Variants in PHF14 observed in about 807,000 individuals in gnomAD.
PHF14 encodes the protein PHD finger protein 14.
In PHF14, 55 loss-of-function variants were observed where a neutral mutation model predicts 117.9. The observed-to-expected ratio is 0.47, with a 90% CI of 0.38 to 0.58. The LOEUF (loss-of-function observed/expected upper bound fraction) is 0.58, where lower values mean the gene tolerates loss of function less well. Among genes scored for constraint, PHF14 ranks in the 20% least tolerant of loss-of-function variants. The probability of loss-of-function intolerance (pLI) is 0.00; values close to 1 mark genes in which losing one functional copy is unlikely to be tolerated. For missense variants in PHF14, 978 were observed against 1,122.2 expected (o/e 0.87, Z 1.84); for synonymous variants, 409 against 368.6 (o/e 1.11, Z -1.26).
chr7:10,978,796 A>G (rs1781956163), intron 2 of PHF14, among the ~76,000 whole-genome samples: 1 of 152,110 alleles, frequency 6.6e-6, no homozygotes, highest in Admixed American at 6.5e-5. Context: ...AGACATTGCC[A>G]GTTGTCCTCT....
intron 14 of PHF14, among the ~76,000 whole-genome samples, chr7:11,055,708 A>G (rs939357596): frequency 4.6e-5 from 7 of 152,164 alleles, no homozygotes; most frequent in African/African-American, 1.7e-4. Context: ...AGAGATAATC[A>G]AATATCCTAG....
intron 3 of PHF14, among the ~76,000 whole-genome samples, chr7:10,988,831 A>ACC (rs1782341242): frequency 2.0e-5 from 3 of 152,160 alleles, no homozygotes; most frequent in African/African-American, 7.2e-5. Context: ...TGAAGTAGAT[A>ACC]TTATTTTTAT....
intron 16 of PHF14, among the ~76,000 whole-genome samples, chr7:11,077,323 C>T (rs774458498): frequency 4.8e-4 from 72 of 151,420 alleles, no homozygotes; most frequent in Admixed American, 1.8e-3. Flanking sequence ...CAGATTCAGC[C>T]GGGCGCAGTG....
At chr7:10,979,726 T>C (rs1350599070) in intron 2 of PHF14, among the ~76,000 whole-genome samples, 1 of 152,024 alleles carries the variant, frequency 6.6e-6, no homozygotes, top group Non-Finnish European at 1.5e-5. Context: ...AGTGCATATG[T>C]ACAAAAAAGA....
chr7:11,079,134 G>A (rs985245437), intron 16 of PHF14, among the ~76,000 whole-genome samples: 2 of 152,070 alleles, frequency 1.3e-5, no homozygotes, highest in Admixed American at 6.6e-5. Flanking sequence ...AACTTAAAAG[G>A]ATTTAATCTA....
At position 11,090,096 on chromosome 7, in the gene PHF14, C is replaced by T. The variant is rs143174779; in HGVS notation, c.2655-21254C>T. On this transcript the variant is annotated intron_variant, in intron 16 of 17. Transcript: ENST00000634607. Reference sequence around the variant, plus strand: ...TGTTCATGCCTTCTTTATGTGTGTACGTGTGTCATTTTTTTATACTTAAGA... The same window carrying T: ...TGTTCATGCCTTCTTTATGTGTGTATGTGTGTCATTTTTTTATACTTAAGA... 1.2e-4 allele frequency among the ~76,000 whole-genome samples: 18 copies of T among 152,214 alleles called. No homozygotes were observed. In the East Asian group the frequency reaches 2.7e-3, roughly 23 times the overall value.
chr7:11,117,582 T>TAAATATGTATTTATATGTATAAATAC (rs147762358), intron 17 of PHF14, among the ~76,000 whole-genome samples: 45,376 of 142,006 alleles, frequency 0.32, 8,430 homozygotes, highest in East Asian at 0.71. Flanking sequence ...ACGATATATA[T>TAAATATGTATTTATATGTATAAATAC]AAATATGTAT....
intron 17 of PHF14, among the ~76,000 whole-genome samples, chr7:11,166,190 A>G (rs1427364121): frequency 6.6e-6 from 1 of 152,186 alleles, no homozygotes; most frequent in African/African-American, 2.4e-5. Flanking sequence ...GCCTCAAAGG[A>G]TACATTTTCT....
chr7:10,975,201 C>T (rs183096538), intron 2 of PHF14, among the ~76,000 whole-genome samples: 5 of 152,288 alleles, frequency 3.3e-5, no homozygotes, highest in Admixed American at 2.6e-4. Flanking sequence ...CTCTGTTTTA[C>T]ACCTTAAAAT....
chr7:11,009,018 A>G (rs554167643), intron 4 of PHF14, among the ~76,000 whole-genome samples: 1 of 146,418 alleles, frequency 6.8e-6, no homozygotes, highest in South Asian at 2.2e-4. Flanking sequence ...CCTGGGCGAC[A>G]GAGTGAGACT....
At chr7:11,113,249 A>G (rs1314670703) in intron 17 of PHF14, among the ~76,000 whole-genome samples, 1 of 152,138 alleles carries the variant, frequency 6.6e-6, no homozygotes, top group East Asian at 1.9e-4. Flanking sequence ...TTGTTAATGA[A>G]CATTGAAAAG....
Position 11,037,153 on chromosome 7 carries a change from A to C in PHF14, c.1980+62A>C, listed in dbSNP as rs992192920. The C allele has an allele frequency of 1.8e-5, 24 of 1,370,814 alleles. No individual in the cohort carries two copies. In the East Asian group the frequency reaches 6.1e-4, roughly 35 times the overall value. 84.9% of individuals were successfully genotyped at this position (1,370,814 alleles called of 1,614,324 possible). The stretch of plus-strand genomic sequence containing the variant: ...GATCTTACTGATGATTTCTTTTGTG[A>C]ATGTATGGCATTTCTTTTATGTTTT... On this transcript the variant is annotated intron_variant, in intron 10 of 17. Transcript: ENST00000634607.
rs989041206 is a variant in PHF14 at position 11,082,305 on chromosome 7, G to A, written c.2654+20220G>A. ...TGAGGCTGCAGTGAGCCATGATCAC[G>A]TCACTGTACTCCAGCCTGGGCAACA... is the stretch of plus-strand genomic sequence containing the variant. On this transcript the variant is annotated intron_variant, in intron 16 of 17. Coordinates refer to ENST00000634607, the MANE Select transcript of PHF14 (RefSeq NM_001007157.2). 6.6e-5 allele frequency among the ~76,000 whole-genome samples: 10 copies of A among 152,256 alleles called. 2 individuals are homozygous for A. The highest frequency in any genetic ancestry group is 5.2e-4 in the Admixed American group (8 of 15,302).
intron 14 of PHF14, among the ~76,000 whole-genome samples, chr7:11,055,523 A>C (rs1435894664): frequency 1.3e-5 from 2 of 152,192 alleles, no homozygotes; most frequent in Non-Finnish European, 2.9e-5. Flanking sequence ...AAATAAATGC[A>C]ATAAATAGGC....
intron 17 of PHF14, among the ~76,000 whole-genome samples, chr7:11,161,761 T>C (rs1437919594): frequency 6.7e-6 from 1 of 148,680 alleles, no homozygotes; most frequent in East Asian, 1.9e-4. Context: ...TATTTAGATT[T>C]TAGATAACAT....
chr7:10,997,902 C>T (rs1274399081), intron 4 of PHF14, among the ~76,000 whole-genome samples: 7 of 152,180 alleles, frequency 4.6e-5, no homozygotes, highest in African/African-American at 1.7e-4. Flanking sequence ...CCGCTGTTCA[C>T]ACAAGCCAAC....
intron 14 of PHF14, chr7:11,061,407 A>G (rs1400248796): frequency 6.4e-6 from 1 of 155,562 alleles, no homozygotes; most frequent in African/African-American, 2.4e-5. Flanking sequence ...GTATGATCCC[A>G]GGTTTAGCAT....
At chr7:11,086,045 C>T (rs1451168769) in intron 16 of PHF14, among the ~76,000 whole-genome samples, 3 of 152,110 alleles carry the variant, frequency 2.0e-5, no homozygotes, top group East Asian at 3.9e-4. Flanking sequence ...ATCTTTTTTA[C>T]CTCTAGAATT....
intron 14 of PHF14, among the ~76,000 whole-genome samples, chr7:11,057,305 C>G (rs988661877): frequency 6.6e-6 from 1 of 151,964 alleles, no homozygotes; most frequent in African/African-American, 2.4e-5. Flanking sequence ...GTTTTTTAGT[C>G]CAAATGATAG....
Sources: gnomAD v4.1 joint callset for allele counts (sites outside exome capture counted in the v4.1 genomes callset) on GRCh38, gnomAD v4.1.1 for gene constraint, MANE v1.5 for transcripts, NCBI Gene and HGNC (gene_info 2026-07-23, HGNC 2026-07-21) for gene names.